The following ARSB variants were observed in gnomAD, a reference collection of about 807,000 sequenced individuals.
ARSB encodes arylsulfatase B.
Under a neutral mutation model 50.9 loss-of-function variants are expected in ARSB, and 41 were observed. The observed-to-expected ratio is 0.81, with a 90% confidence interval of 0.63 to 1.04. The LOEUF is 1.04. Among genes scored for constraint, ARSB ranks in the 50% least tolerant of loss-of-function variants. The pLI is 0.00. For missense variants in ARSB, 672 were observed against 693.3 expected (o/e 0.97, Z 0.35); for synonymous variants, 269 against 284.8 (o/e 0.94, Z 0.56).
intron 6 of ARSB, among the ~76,000 whole-genome samples, chr5:78,796,255 T>A (rs887268867): frequency 6.6e-6 from 1 of 152,272 alleles, no homozygotes. Flanking sequence ...TTGATCACTA[T>A]ATGTGTTAGA....
At chr5:78,853,951 G>A (rs1004561468) in intron 5 of ARSB, among the ~76,000 whole-genome samples, 5 of 152,230 alleles carry the variant, frequency 3.3e-5, no homozygotes, top group Non-Finnish European at 7.3e-5. Context: ...AATTTTCCAG[G>A]TGCCGTCTGT....
At chr5:78,839,215 C>T (rs1015522596) in intron 6 of ARSB, 141 bp downstream of exon 6, 9 of 762,398 alleles carry the variant, frequency 1.2e-5, no homozygotes, top group Admixed American at 6.1e-5. Flanking sequence ...CTGAGATGAG[C>T]GGGAGATATG....
rs1293912997 is a variant in ARSB at position 78,937,338 on chromosome 5, GAT to G, written c.898+17955_898+17956del. 8.2e-5 allele frequency among the ~76,000 whole-genome samples: 11 copies of G among 134,440 alleles called. 1 individual carries two copies. In the East Asian group the frequency reaches 1.1e-3, roughly 13 times the overall value. The allele number at this position is 134,440 out of a possible 152,430, so 88.2% of individuals were successfully genotyped here. On this transcript the variant is annotated intron_variant, in intron 4 of 7. Transcript: ENST00000264914. ...ATATATGTAAGATATATATATGTAA[GAT>G]ATATATATCATATATATGTAAGATA...
chr5:78,827,861 G>A (rs186811443), intron 6 of ARSB, among the ~76,000 whole-genome samples: 11 of 150,448 alleles, frequency 7.3e-5, no homozygotes, highest in Non-Finnish European at 1.3e-4. Flanking sequence ...CACAATTTCT[G>A]ATTTTTTTTT....
At chr5:78,794,673 A>G (rs765938173) in intron 6 of ARSB, among the ~76,000 whole-genome samples, 1 of 152,200 alleles carries the variant, frequency 6.6e-6, no homozygotes, top group Non-Finnish European at 1.5e-5. Flanking sequence ...AGTATTTACA[A>G]GCCAATTTTT....
intron 5 of ARSB, among the ~76,000 whole-genome samples, chr5:78,858,482 TG>T (rs1746265483): frequency 6.6e-6 from 1 of 152,228 alleles, no homozygotes; most frequent in Non-Finnish European, 1.5e-5. Context: ...ATCACAGCAC[TG>T]TCCATTTATA....
At chr5:78,979,631 G>T (rs530022247) in intron 1 of ARSB, among the ~76,000 whole-genome samples, 133 of 152,164 alleles carry the variant, frequency 8.7e-4, no homozygotes, top group Non-Finnish European at 1.4e-3. Flanking sequence ...CCTTTCAGTG[G>T]GTCCCTGTTT....
At chr5:78,788,283 A>T (rs1177793334) in intron 6 of ARSB, among the ~76,000 whole-genome samples, 2 of 152,188 alleles carry the variant, frequency 1.3e-5, no homozygotes, top group Non-Finnish European at 1.5e-5. Context: ...ATCAGCAGAA[A>T]ATTTTAGGAC....
chr5:78,934,752 C>T (rs746375814), intron 4 of ARSB, among the ~76,000 whole-genome samples: 4 of 151,992 alleles, frequency 2.6e-5, no homozygotes, highest in Admixed American at 6.6e-5. Context: ...GCTGAGATCA[C>T]GCCACTGCAC....
chr5:78,866,150 A>G (rs1406227445), intron 5 of ARSB, among the ~76,000 whole-genome samples: 2 of 152,180 alleles, frequency 1.3e-5, no homozygotes, highest in Non-Finnish European at 2.9e-5. Context: ...TGATAAAGAC[A>G]TACCCAAGAC....
At position 78,968,894 on chromosome 5, in the gene ARSB, ATTCACTCTGTG is replaced by A. The variant is rs1370680962; in HGVS notation, c.499+101_499+111del. On this transcript the variant is annotated intron_variant, in intron 2 of 7. Transcript: ENST00000264914. The stretch of plus-strand genomic sequence containing the variant: ...AGCAGCCCCATTACAGTGCCGACTG[ATTCACTCTGTG>A]TTCAAATATCCAGTTCTTTCATTTG... The A allele has an allele frequency of 5.5e-6, 7 of 1,267,030 alleles. No individual in the cohort carries two copies. In the African/African-American group the frequency reaches 1.0e-4, roughly 19 times the overall value. 78.5% of individuals were successfully genotyped at this position (1,267,030 alleles called of 1,614,324 possible). A position where few individuals can be genotyped will look rare whatever the true frequency, so the allele number is the denominator to read the frequency against.
intron 5 of ARSB, among the ~76,000 whole-genome samples, chr5:78,879,956 TG>T (rs1320910696): frequency 7.2e-6 from 1 of 138,820 alleles, no homozygotes; most frequent in Non-Finnish European, 1.6e-5. Flanking sequence ...GATCAAACTT[TG>T]GGCAGAAATT....
chr5:78,793,908 C>T (rs1230240597), intron 6 of ARSB, among the ~76,000 whole-genome samples: 3 of 151,342 alleles, frequency 2.0e-5, no homozygotes, highest in African/African-American at 7.3e-5. Flanking sequence ...TTTTTTGAGG[C>T]GATGAGGCAA....
At chr5:78,855,505 C>T (rs1198604309) in intron 5 of ARSB, among the ~76,000 whole-genome samples, 1 of 152,138 alleles carries the variant, frequency 6.6e-6, no homozygotes, top group African/African-American at 2.4e-5. Flanking sequence ...TGGGCTGGGG[C>T]AGTTCAGCAA....
At chr5:78,920,203 G>T (rs1220385006) in intron 4 of ARSB, among the ~76,000 whole-genome samples, 2 of 152,158 alleles carry the variant, frequency 1.3e-5, no homozygotes, top group Non-Finnish European at 2.9e-5. Flanking sequence ...TTTTCATTCA[G>T]ATGCTCTTGT....
Position 78,868,709 on chromosome 5 carries a change from T to C in ARSB, c.1142+16875A>G, listed in dbSNP as rs370692867. ...ACCGGTACCAGCCGCTGCAAAATCA[T>C]GCCAAAATGTAAAGACCATCGAGAC... On this transcript the variant is annotated intron_variant, in intron 5 of 7. Coordinates refer to ENST00000264914, the MANE Select transcript of ARSB (RefSeq NM_000046.5). Among the ~76,000 whole-genome samples, 17 of 144,316 alleles carry C rather than the reference T, an allele frequency of 1.2e-4. No individual in the cohort carries two copies. The East Asian group carries it at 1.4e-3, about 12-fold the overall frequency. 94.7% of individuals were successfully genotyped at this position (144,316 alleles called of 152,430 possible). A position where few individuals can be genotyped will look rare whatever the true frequency, so the allele number is the denominator to read the frequency against.
intron 3 of ARSB, among the ~76,000 whole-genome samples, chr5:78,959,968 C>T (rs1157860730): frequency 6.6e-6 from 1 of 152,172 alleles, no homozygotes; most frequent in Non-Finnish European, 1.5e-5. Context: ...CAGAGCTCGG[C>T]TCACTGTCAG....
intron 5 of ARSB, among the ~76,000 whole-genome samples, chr5:78,856,953 T>G (rs1233489650): frequency 6.6e-6 from 1 of 152,204 alleles, no homozygotes; most frequent in Non-Finnish European, 1.5e-5. Flanking sequence ...ACTGGCTATA[T>G]AAACTTGGGT....
intron 6 of ARSB, among the ~76,000 whole-genome samples, chr5:78,822,403 A>C (rs1744265988): frequency 6.6e-6 from 1 of 152,158 alleles, no homozygotes; most frequent in Non-Finnish European, 1.5e-5. Context: ...CAAGTCCCTG[A>C]ACAGAGATTT....
Sources: gnomAD v4.1 joint callset for allele counts (sites outside exome capture counted in the v4.1 genomes callset) on GRCh38, gnomAD v4.1.1 for gene constraint, MANE v1.5 for transcripts, NCBI Gene and HGNC (gene_info 2026-07-23, HGNC 2026-07-21) for gene names.